RHOBTB1: variants seen among roughly 807,000 people sequenced by gnomAD.
RHOBTB1 encodes the protein rho-related BTB domain-containing protein 1.
A neutral mutation model predicts 71.6 loss-of-function variants in RHOBTB1; 40 were observed. That is an observed-to-expected ratio of 0.56 (90% confidence interval 0.43 to 0.73). The LOEUF is 0.73. RHOBTB1 is among the 30% of genes least tolerant of loss of function. RHOBTB1 has a pLI of 0.00. For missense variants in RHOBTB1, 797 were observed against 894.0 expected (o/e 0.89, Z 1.38); for synonymous variants, 319 against 334.9 (o/e 0.95, Z 0.52).
intron 4 of RHOBTB1, among the ~76,000 whole-genome samples, chr10:60,906,534 T>C (rs1270437469): frequency 1.3e-5 from 2 of 152,130 alleles, no homozygotes; most frequent in Non-Finnish European, 2.9e-5. Context: ...GTCAGACAGA[T>C]TCAAGAGGAA....
chr10:60,879,900 A>T (rs2081237013), intron 7 of RHOBTB1, among the ~76,000 whole-genome samples: 1 of 152,128 alleles, frequency 6.6e-6, no homozygotes, highest in African/African-American at 2.4e-5. Flanking sequence ...GATCAAAAAT[A>T]TTTGAAAAAT....
rs2080737662 is a variant in RHOBTB1, at chr10:60,870,672, A to G, written c.*810T>C. The G allele has an allele frequency of 6.6e-6, 1 of 152,398 alleles. No homozygotes were observed. Among genetic ancestry groups the G allele is most frequent in the African/African-American group, 2.4e-5 (1 of 41,452 alleles). The allele number at this position is 152,398 out of a possible 1,614,324, so 9.4% of individuals were successfully genotyped here. A position where few individuals can be genotyped will look rare whatever the true frequency, so the allele number is the denominator to read the frequency against. On this transcript the variant is annotated 3_prime_UTR_variant, in exon 11 of 11. Transcript: ENST00000337910. The stretch of plus-strand genomic sequence containing the variant: ...AATACAGCAATCCGAACACCAGCGC[A>G]CTAATGGTATCTTATGTATTCAGGT...
chr10:60,865,183 T>C (rs533525916), downstream of RHOBTB1, among the ~76,000 whole-genome samples: 8 of 152,286 alleles, frequency 5.3e-5, no homozygotes, highest in East Asian at 1.5e-3. Flanking sequence ...ATGTTTTATG[T>C]CCAATAAATA....
At chr10:60,941,515 C>G (rs550974964) in intron 2 of RHOBTB1, among the ~76,000 whole-genome samples, 3 of 152,054 alleles carry the variant, frequency 2.0e-5, no homozygotes, top group African/African-American at 7.2e-5. Context: ...GCATCCAGAT[C>G]CCCAGTATTC....
intron 2 of RHOBTB1, 138 bp downstream of exon 2, chr10:60,941,666 A>T (rs2084909860): frequency 6.6e-6 from 1 of 152,260 alleles, no homozygotes; most frequent in South Asian, 2.1e-4. Context: ...TATGACATTC[A>T]TAACTGAGTC....
intron 3 of RHOBTB1, 115 bp downstream of exon 3, chr10:60,911,236 A>T: frequency 9.4e-7 from 1 of 1,067,316 alleles, no homozygotes; most frequent in Middle Eastern, 3.1e-4. Context: ...GGCACTAAAA[A>T]GGTTAGTTTT....
intron 4 of RHOBTB1, among the ~76,000 whole-genome samples, chr10:60,899,026 C>T (rs550394584): frequency 2.0e-5 from 3 of 152,312 alleles, no homozygotes; most frequent in African/African-American, 7.2e-5. Flanking sequence ...GTACAAATAT[C>T]ATAGGGGTTA....
intron 2 of RHOBTB1, among the ~76,000 whole-genome samples, chr10:60,984,966 C>T (rs186201952): frequency 6.6e-6 from 1 of 152,254 alleles, no homozygotes; most frequent in East Asian, 1.9e-4. Flanking sequence ...TTAAGGACTT[C>T]TACTTTATTA....
At chr10:60,992,424 C>A (rs565676668) in intron 1 of RHOBTB1, among the ~76,000 whole-genome samples, 11 of 152,244 alleles carry the variant, frequency 7.2e-5, no homozygotes, top group African/African-American at 2.6e-4. Context: ...AGGACAAAGT[C>A]CACAGACATG....
At chr10:60,929,719 T>C (rs770468059) in intron 2 of RHOBTB1, among the ~76,000 whole-genome samples, 2 of 151,984 alleles carry the variant, frequency 1.3e-5, no homozygotes, top group Non-Finnish European at 2.9e-5. Flanking sequence ...AAGCATATAA[T>C]AAAATGAAGA....
intron 1 of RHOBTB1, among the ~76,000 whole-genome samples, chr10:60,995,621 G>A (rs1179618362): frequency 6.6e-6 from 1 of 152,178 alleles, no homozygotes; most frequent in Non-Finnish European, 1.5e-5. Flanking sequence ...ATTTGGATCA[G>A]AGTAAATTAT....
intron 6 of RHOBTB1, among the ~76,000 whole-genome samples, chr10:60,886,717 T>TCGGG (rs142829911): frequency 1.5e-5 from 2 of 137,486 alleles, no homozygotes; most frequent in African/African-American, 2.6e-5. Context: ...TTAAGAGATG[T>TCGGG]GGGGGGGGGT....
intron 2 of RHOBTB1, among the ~76,000 whole-genome samples, chr10:60,965,093 G>A (rs1196000502): frequency 1.3e-5 from 2 of 152,212 alleles, no homozygotes; most frequent in East Asian, 3.9e-4. Flanking sequence ...AACATTCGTT[G>A]AGTATGCCAT....
intron 7 of RHOBTB1, among the ~76,000 whole-genome samples, chr10:60,878,779 T>C (rs575960927): frequency 1.3e-5 from 2 of 152,316 alleles, no homozygotes; most frequent in South Asian, 4.1e-4. Flanking sequence ...TATAAATGCA[T>C]GCTGGAGTTC....
intron 2 of RHOBTB1, among the ~76,000 whole-genome samples, chr10:60,939,842 A>T (rs1426269774): frequency 2.0e-5 from 3 of 152,232 alleles, no homozygotes; most frequent in Non-Finnish European, 4.4e-5. Context: ...AAGCCTTATG[A>T]AGTTCAAAAG....
chr10:60,875,489 G>A (rs74157866), intron 8 of RHOBTB1, among the ~76,000 whole-genome samples: 1,906 of 152,306 alleles, frequency 0.013, 46 homozygotes, highest in African/African-American at 0.043. Flanking sequence ...AAGTTCTACT[G>A]GATGGAGTGG....
intron 2 of RHOBTB1, among the ~76,000 whole-genome samples, chr10:60,919,028 G>T (rs1161576742): frequency 6.6e-6 from 1 of 152,188 alleles, no homozygotes; most frequent in Non-Finnish European, 1.5e-5. Context: ...TTACAGGCAT[G>T]AGCCAACATG....
intron 2 of RHOBTB1, among the ~76,000 whole-genome samples, chr10:60,934,459 C>A (rs2084449458): frequency 6.6e-6 from 1 of 152,160 alleles, no homozygotes. Context: ...GGTACAGGAA[C>A]AAGACCATGG....
In RHOBTB1 at chr10:60,877,985, G is replaced by A. The variant is rs1232060743; in HGVS notation, c.1649C>T (p.Pro550Leu). The A allele has an allele frequency of 1.2e-6, 2 of 1,613,816 alleles. No homozygotes were observed. The highest frequency in any genetic ancestry group is 8.5e-7 in the Non-Finnish European group (1 of 1,179,760). ...TTCCAGCGGGTCCAGATCCAAGTTA[G>A]GAGACAACTGCTTGGTATAGAGATA... is the stretch of plus-strand genomic sequence containing the variant. ...LDYLYTKQLS[P>L]NLDLDPLELI... Residue 550 changes from proline to leucine, a missense_variant, in exon 8 of 11, where the codon CCT (proline) becomes CTT (leucine). Physicochemically the swap from Pro to Leu is moderately conservative, Grantham distance 98 (BLOSUM62 -3). Around this residue, in one of 2 missense-constraint regions of RHOBTB1, gnomAD observed 658 missense variants for 681.5 expected, o/e 0.97. Coordinates refer to ENST00000337910, the MANE Select transcript of RHOBTB1 (RefSeq NM_014836.5).
Sources: gnomAD v4.1 joint callset for allele counts (sites outside exome capture counted in the v4.1 genomes callset) on GRCh38, gnomAD v4.1.1 for gene constraint, gnomAD v4.1.1 regional missense constraint, MANE v1.5 for transcripts, NCBI Gene and HGNC (gene_info 2026-07-23, HGNC 2026-07-21) for gene names.